The following NUP155 variants were observed in gnomAD, a reference collection of about 807,000 sequenced individuals.
NUP155 encodes the protein nucleoporin 155.
NUP155 carries 71 observed loss-of-function variants against 180.4 expected under a neutral mutation model. The observed-to-expected ratio is 0.39, with a 90% CI of 0.33 to 0.48. The LOEUF (loss-of-function observed/expected upper bound fraction) is 0.48, where lower values mean the gene tolerates loss of function less well. Among genes scored for constraint, NUP155 ranks in the 20% least tolerant of loss-of-function variants. NUP155 has a pLI of 0.91. For synonymous variants in NUP155, 582 were observed against 559.5 expected (o/e 1.04, Z -0.57); for missense variants, 1,553 against 1,648.9 (o/e 0.94, Z 1.01).
intron 34 of NUP155, among the ~76,000 whole-genome samples, chr5:37,292,362 C>A (rs866423759): frequency 2.1e-4 from 32 of 152,094 alleles, no homozygotes; most frequent in South Asian, 1.0e-3. Context: ...ACTACAGGTG[C>A]CCGCCACCAC....
intron 4 of NUP155, among the ~76,000 whole-genome samples, chr5:37,355,626 T>G (rs903022742): frequency 6.6e-6 from 1 of 151,814 alleles, no homozygotes; most frequent in Non-Finnish European, 1.5e-5. Flanking sequence ...TTGCCCAGGC[T>G]GGAGTGCAGT....
At chr5:37,352,127 G>T (rs1462640650) in intron 5 of NUP155, among the ~76,000 whole-genome samples, 1 of 152,098 alleles carries the variant, frequency 6.6e-6, no homozygotes, top group Non-Finnish European at 1.5e-5. Context: ...GGAGGCCAAG[G>T]CAGGTGGATC....
chr5:37,323,329 CATTCTT>C (rs1293312203), intron 20 of NUP155, among the ~76,000 whole-genome samples: 1 of 152,118 alleles, frequency 6.6e-6, no homozygotes, highest in Non-Finnish European at 1.5e-5. Context: ...CTCATATCAG[CATTCTT>C]ATTAGCCAAA....
At chr5:37,335,767 T>C (rs189407917) in intron 12 of NUP155, among the ~76,000 whole-genome samples, 21 of 151,940 alleles carry the variant, frequency 1.4e-4, no homozygotes, top group African/African-American at 5.1e-4. Flanking sequence ...AGGGGCTACA[T>C]GGCAAAACCC....
chr5:37,318,725 A>G (rs1423028614), intron 20 of NUP155, among the ~76,000 whole-genome samples: 1 of 151,892 alleles, frequency 6.6e-6, no homozygotes, highest in East Asian at 1.9e-4. Flanking sequence ...AAAACGAGAG[A>G]AGAAAACTGA....
chr5:37,308,570 C>T (rs566410990), intron 24 of NUP155, among the ~76,000 whole-genome samples: 8 of 152,068 alleles, frequency 5.3e-5, no homozygotes, highest in East Asian at 1.9e-4. Context: ...TGGTGGCAGG[C>T]GCCTGTAGTC....
intron 1 of NUP155, among the ~76,000 whole-genome samples, chr5:37,364,941 T>G (rs1189641383): frequency 2.0e-5 from 3 of 151,506 alleles, no homozygotes; most frequent in Non-Finnish European, 4.4e-5. Flanking sequence ...CAGCTGGAAA[T>G]GTTTAAATTT....
At chr5:37,318,170 G>T in intron 20 of NUP155, 85 bp from the exon 21 acceptor site, 4 of 894,264 alleles carry the variant, frequency 4.5e-6, no homozygotes, top group Non-Finnish European at 3.8e-6. Flanking sequence ...CATTTAATAT[G>T]TTTACTTTTT....
At chr5:37,356,302 C>T (rs1458409963) in intron 4 of NUP155, among the ~76,000 whole-genome samples, 1 of 150,418 alleles carries the variant, frequency 6.6e-6, no homozygotes, top group African/African-American at 2.4e-5. Context: ...CTTGTGATAT[C>T]TACAAGATTT....
In NUP155 at chr5:37,330,249, C is replaced by A. The variant is rs1291946725; in HGVS notation, c.1630-117G>T. 2.2e-5 allele frequency: 16 copies of A among 726,950 alleles called. No individual in the cohort carries two copies. The South Asian group carries it at 2.4e-4, about 11-fold the overall frequency. 45.0% of individuals were successfully genotyped at this position (726,950 alleles called of 1,614,324 possible). On this transcript the variant is annotated intron_variant, in intron 14 of 34. Coordinates refer to ENST00000231498, the MANE Select transcript of NUP155 (RefSeq NM_153485.3). ...GCACAGAGCAGGCATTCAATAAATA[C>A]TTGCTGACTGAATGAAATCAGTTAG...
At chr5:37,345,016 C>T (rs1745984806) in intron 9 of NUP155, among the ~76,000 whole-genome samples, 1 of 150,852 alleles carries the variant, frequency 6.6e-6, no homozygotes, top group African/African-American at 2.4e-5. Flanking sequence ...GATCCCCTCT[C>T]TACAAAAAAT....
chr5:37,364,466 T>C (rs1747421508), intron 1 of NUP155, 82 bp from the exon 2 acceptor site: 3 of 1,202,162 alleles, frequency 2.5e-6, no homozygotes, highest in Non-Finnish European at 1.2e-6. Context: ...CACAAAAAAA[T>C]TGTTGTGTGT....
intron 27 of NUP155, 68 bp from the exon 28 acceptor site, chr5:37,303,482 A>G: frequency 7.4e-7 from 1 of 1,344,160 alleles, no homozygotes; most frequent in East Asian, 2.3e-5. Context: ...GATAAGGAAA[A>G]TATAGTATTT....
intron 19 of NUP155, among the ~76,000 whole-genome samples, chr5:37,325,390 T>C (rs1384749430): frequency 2.6e-5 from 4 of 152,186 alleles, no homozygotes; most frequent in African/African-American, 4.8e-5. Context: ...AATTTACTCA[T>C]ATTCAGACAG....
intron 21 of NUP155, among the ~76,000 whole-genome samples, chr5:37,316,196 G>A (rs1404522079): frequency 1.3e-5 from 2 of 152,026 alleles, no homozygotes; most frequent in Non-Finnish European, 2.9e-5. Flanking sequence ...AAGGAAATGT[G>A]GTATATGTGC....
chr5:37,314,997 C>T (rs571108800), intron 21 of NUP155, among the ~76,000 whole-genome samples: 3 of 152,182 alleles, frequency 2.0e-5, no homozygotes, highest in Non-Finnish European at 2.9e-5. Flanking sequence ...TTTGGGAGGC[C>T]GAGTTGGGCG....
chr5:37,328,428 G>C lies in NUP155; in HGVS notation c.1814-8C>G. On this transcript the variant is annotated splice_polypyrimidine_tract_variant and splice_region_variant and intron_variant, in intron 16 of 34. Transcript: ENST00000231498. ...CACTAGGAACAGGAGAACCTAAAAA[G>C]GGAAAGAAGAATATAAAGATTTAGA... The C allele has an allele frequency of 1.9e-6, 3 of 1,575,618 alleles. No individual in the cohort carries two copies. The South Asian group carries it at 3.3e-5, about 17-fold the overall frequency.
intron 12 of NUP155, among the ~76,000 whole-genome samples, chr5:37,334,991 C>G (rs1400837876): frequency 2.6e-5 from 4 of 151,918 alleles, no homozygotes; most frequent in Non-Finnish European, 5.9e-5. Flanking sequence ...AACCCTGTCT[C>G]TACTAAAAAT....
chr5:37,310,516 A>G (rs1466500441), intron 23 of NUP155, 36 bp downstream of exon 23: 2 of 1,541,894 alleles, frequency 1.3e-6, no homozygotes, highest in East Asian at 2.2e-5. Flanking sequence ...GATACCTCTT[A>G]TAACAAACAA....
Sources: gnomAD v4.1 joint callset for allele counts (sites outside exome capture counted in the v4.1 genomes callset) on GRCh38, gnomAD v4.1.1 for gene constraint, MANE v1.5 for transcripts, NCBI Gene and HGNC (gene_info 2026-07-23, HGNC 2026-07-21) for gene names.